SH3D19: variants seen among roughly 807,000 people sequenced by gnomAD.
SH3D19 encodes the protein SH3 domain containing 19.
In SH3D19, 58 loss-of-function variants were observed where a neutral mutation model predicts 112.1. The ratio of observed to expected loss-of-function variants is 0.52; its 90% CI spans 0.42 to 0.64. The LOEUF is 0.64. Among genes scored for constraint, SH3D19 ranks in the 30% least tolerant of loss-of-function variants. SH3D19 has a pLI of 0.00. For missense variants in SH3D19, 1,090 were observed against 1,263.4 expected, an observed-to-expected ratio of 0.86 and a Z score of 2.08; for synonymous variants, 391 against 448.5, an observed-to-expected ratio of 0.87 and a Z score of 1.62.
At chr4:151,128,838 TCTCA>T (rs1435246309) in intron 17 of SH3D19, among the ~76,000 whole-genome samples, 1 of 152,094 alleles carries the variant, frequency 6.6e-6, no homozygotes, top group African/African-American at 2.4e-5. Context: ...AGAAATGAAG[TCTCA>T]CTATGTTGCC....
At chr4:151,135,945 C>T (rs933034145) in intron 14 of SH3D19, among the ~76,000 whole-genome samples, 3 of 151,888 alleles carry the variant, frequency 2.0e-5, no homozygotes, top group African/African-American at 7.3e-5. Flanking sequence ...ATCAGGAGTT[C>T]GAGACTAGTC....
chr4:151,307,821 T>C (rs1729068142), intron 1 of SH3D19, among the ~76,000 whole-genome samples: 1 of 152,264 alleles, frequency 6.6e-6, no homozygotes, highest in African/African-American at 2.4e-5. Context: ...AAGAGGGATT[T>C]GCCTTCCAAC....
intron 2 of SH3D19, among the ~76,000 whole-genome samples, chr4:151,223,393 A>G (rs559767379): frequency 6.6e-6 from 1 of 152,048 alleles, no homozygotes; most frequent in Non-Finnish European, 1.5e-5. Context: ...AATTACCCCA[A>G]AATTTGGCCA....
intron 17 of SH3D19, among the ~76,000 whole-genome samples, chr4:151,129,462 C>G (rs1033615776): frequency 6.6e-6 from 1 of 152,100 alleles, no homozygotes; most frequent in Non-Finnish European, 1.5e-5. Context: ...CTCTGCCTCC[C>G]GGGTTCAAGC....
At chr4:151,302,590 G>A (rs1728539826) in intron 1 of SH3D19, among the ~76,000 whole-genome samples, 1 of 152,166 alleles carries the variant, frequency 6.6e-6, no homozygotes, top group African/African-American at 2.4e-5. Context: ...GGACTTTGTT[G>A]CAATGACTCA....
rs187647056 is a variant in SH3D19 at position 151,187,991 on chromosome 4, C to T, written c.153-528G>A. On this transcript the variant is annotated intron_variant, in intron 2 of 19. Transcript: ENST00000604030. ...CCCAGACTCCCTGTCTCTCTCTCCC[C>T]CTTCTTTCTCTCCCTTTCTCCCCTC... is the stretch of plus-strand genomic sequence containing the variant. Among the ~76,000 whole-genome samples the T allele has an allele frequency of 1.4e-4, 21 of 152,252 alleles. 1 individual carries two copies. The Middle Eastern group carries it at 0.014, about 99-fold the overall frequency.
chr4:151,135,873 A>C (rs1187888462), intron 14 of SH3D19, among the ~76,000 whole-genome samples: 1 of 152,132 alleles, frequency 6.6e-6, no homozygotes, highest in African/African-American at 2.4e-5. Context: ...CATTTCAATA[A>C]AACTTTGGAT....
chr4:151,323,326 G>A (rs543321965), intron 1 of SH3D19, among the ~76,000 whole-genome samples: 2 of 152,166 alleles, frequency 1.3e-5, no homozygotes, highest in African/African-American at 2.4e-5. Context: ...AAACTGAAAA[G>A]GTGATGCAGA....
chr4:151,159,406 G>A, intron 8 of SH3D19, 54 bp from the exon 9 acceptor site: 2 of 1,046,624 alleles, frequency 1.9e-6, no homozygotes, highest in Non-Finnish European at 2.8e-6. Context: ...GGATTCCAAA[G>A]AATGAAATGA....
Position 151,121,312 on chromosome 4 carries a change from A to G in SH3D19, c.*779T>C, listed in dbSNP as rs1747945878. 1.3e-5 allele frequency: 2 copies of G among 152,680 alleles called. No individual in the cohort carries two copies. Among genetic ancestry groups the G allele is most frequent in the Admixed American group, 6.5e-5 (1 of 15,282 alleles). The allele number at this position is 152,680 out of a possible 1,614,324, so 9.5% of individuals were successfully genotyped here. On this transcript the variant is annotated 3_prime_UTR_variant, in exon 20 of 20. Coordinates refer to ENST00000604030, the MANE Select transcript of SH3D19 (RefSeq NM_001378122.1). The stretch of plus-strand genomic sequence containing the variant: ...AAAGGAATGATTGCAGATTCAGAAA[A>G]TGTGCTTTGTAATAACCCTGTTAAC...
chr4:151,221,650 T>C (rs1187304964), intron 2 of SH3D19, among the ~76,000 whole-genome samples: 4 of 152,230 alleles, frequency 2.6e-5, no homozygotes, highest in Admixed American at 2.6e-4. Context: ...CCTTTGGCAT[T>C]TATTTATTCA....
intron 8 of SH3D19, among the ~76,000 whole-genome samples, chr4:151,164,632 T>C (rs2149805726): frequency 6.6e-6 from 1 of 152,002 alleles, no homozygotes; most frequent in South Asian, 2.1e-4. Context: ...CAGGCTGTAA[T>C]GCAGTGGCAC....
chr4:151,144,218 A>G, intron 11 of SH3D19, 168 bp from the exon 12 acceptor site: 2 of 1,612,720 alleles, frequency 1.2e-6, no homozygotes, highest in Non-Finnish European at 1.7e-6. Flanking sequence ...GCTCTACTTT[A>G]CCTTACAAGA....
Position 151,185,742 on chromosome 4 carries a change from A to T in SH3D19, c.193+1681T>A, listed in dbSNP as rs185380445. ...ATTGTTCAAATGCATATTCTTCATGACCTGTGAATATCCTAAATTCATAAT... is the reference window on the plus strand; with the variant it reads ...ATTGTTCAAATGCATATTCTTCATGTCCTGTGAATATCCTAAATTCATAAT... On this transcript the variant is annotated intron_variant, in intron 3 of 19. Coordinates refer to ENST00000604030, the MANE Select transcript of SH3D19 (RefSeq NM_001378122.1). Among the ~76,000 whole-genome samples, 383 of 152,254 alleles carry T rather than the reference A, an allele frequency of 2.5e-3. 2 individuals are homozygous for T. The highest frequency in any genetic ancestry group is 6.5e-3 in the African/African-American group (268 of 41,534).
At chr4:151,129,372 A>T (rs566507520) in intron 17 of SH3D19, among the ~76,000 whole-genome samples, 2 of 152,072 alleles carry the variant, frequency 1.3e-5, no homozygotes, top group African/African-American at 4.8e-5. Context: ...GGATAATGAA[A>T]AGGCTTTTTT....
intron 19 of SH3D19, among the ~76,000 whole-genome samples, chr4:151,125,525 G>A (rs192071329): frequency 2.6e-3 from 388 of 149,092 alleles, no homozygotes; most frequent in Non-Finnish European, 4.0e-3. Flanking sequence ...AGAAAGAAAG[G>A]AAGGAAAGGA....
chr4:151,281,018 G>GA (rs1476403042), intron 1 of SH3D19, among the ~76,000 whole-genome samples: 2 of 152,006 alleles, frequency 1.3e-5, no homozygotes, highest in African/African-American at 2.4e-5. Flanking sequence ...AATAAAGGGG[G>GA]AAAAACAGGA....
At chr4:151,300,805 T>C (rs1037622952) in intron 1 of SH3D19, among the ~76,000 whole-genome samples, 2 of 152,184 alleles carry the variant, frequency 1.3e-5, no homozygotes, top group African/African-American at 4.8e-5. Flanking sequence ...TTGAAGTCTG[T>C]TGCAAACAGC....
intron 1 of SH3D19, among the ~76,000 whole-genome samples, chr4:151,247,589 A>G (rs554418580): frequency 1.3e-5 from 2 of 152,350 alleles, no homozygotes; most frequent in Admixed American, 6.5e-5. Context: ...GAGTTGTGCA[A>G]TCATCACAAT....
Sources: allele counts gnomAD v4.1 joint callset (sites outside exome capture counted in the v4.1 genomes callset), GRCh38; gene constraint gnomAD v4.1.1; transcripts MANE v1.5; gene names NCBI Gene and HGNC (gene_info 2026-07-23, HGNC 2026-07-21).